Variants in UNC79 observed in about 807,000 individuals in gnomAD.
UNC79 encodes unc-79 subunit of NALCN channel complex.
Under a neutral mutation model 283.1 loss-of-function variants are expected in UNC79, and 37 were observed. That is an observed-to-expected ratio of 0.13 (90% CI 0.10 to 0.17). UNC79 has a LOEUF of 0.17. Ranked by LOEUF, UNC79 falls within the 10% of genes least tolerant of loss-of-function variation. The pLI is 1.00. For synonymous variants in UNC79, 1,107 were observed against 1,200.2 expected, an observed-to-expected ratio of 0.92 and a Z score of 1.61; for missense variants, 2,272 against 3,211.1, an observed-to-expected ratio of 0.71 and a Z score of 7.07.
chr14:93,343,639 A>G (rs2053761521), intron 1 of UNC79, among the ~76,000 whole-genome samples: 1 of 152,038 alleles, frequency 6.6e-6, no homozygotes, highest in African/African-American at 2.4e-5. Flanking sequence ...TGAATTTGAG[A>G]TATTTGGGGC....
rs764803798 is a variant in UNC79 at position 93,617,091 on chromosome 14, C to T, written c.4042-31C>T. The T allele has an allele frequency of 1.3e-6, 2 of 1,570,606 alleles. No individual in the cohort carries two copies. The highest frequency in any genetic ancestry group is 1.7e-6 in the Non-Finnish European group (2 of 1,153,282). On this transcript the variant is annotated intron_variant, in intron 27 of 48. Transcript: ENST00000555664. This position sits in a 1 kb window ranked among gnomAD's most constrained non-coding sequence, Gnocchi z 4.5. Reference sequence around the variant, plus strand: ...ACCTCTGAGTGTTCTTTGTAGTTTTCCATCAGTTATTAATATTTTTTCTAT... The same window carrying T: ...ACCTCTGAGTGTTCTTTGTAGTTTTTCATCAGTTATTAATATTTTTTCTAT...
chr14:93,525,645 T>G (rs1216540390), intron 8 of UNC79, among the ~76,000 whole-genome samples: 2 of 152,188 alleles, frequency 1.3e-5, no homozygotes, highest in Non-Finnish European at 2.9e-5. Context: ...TTTTTCACAA[T>G]GATGAGACTT....
chr14:93,420,239 A>G (rs2055566059), intron 1 of UNC79, among the ~76,000 whole-genome samples: 1 of 151,634 alleles, frequency 6.6e-6, no homozygotes, highest in South Asian at 2.1e-4. Context: ...ACCTATAAAG[A>G]CACACATCGA....
chr14:93,517,070 T>C (rs1011997091), intron 7 of UNC79, among the ~76,000 whole-genome samples: 1 of 152,114 alleles, frequency 6.6e-6, no homozygotes, highest in Non-Finnish European at 1.5e-5. Flanking sequence ...TGTGGCTTTT[T>C]TGTAAGTTTC....
chr14:93,685,371 A>T (rs1368228374), intron 42 of UNC79, among the ~76,000 whole-genome samples: 1 of 152,220 alleles, frequency 6.6e-6, no homozygotes, highest in Non-Finnish European at 1.5e-5. Flanking sequence ...CCTTTCTTGC[A>T]CGAAAGGATT....
rs567958445 is a variant in UNC79, at chr14:93,570,056, C to T, written c.1756-1838C>T. Among the ~76,000 whole-genome samples the T allele has an allele frequency of 4.6e-5, 7 of 152,280 alleles. No homozygotes were observed. In the South Asian group the frequency reaches 1.2e-3, roughly 27 times the overall value. ...CAAACTTCTGGGCTCAGTCGATCCT[C>T]CCACTTCAGCCTCCCAAGTAAATGG... On this transcript the variant is annotated intron_variant, in intron 14 of 48. Coordinates refer to ENST00000555664, the Ensembl canonical transcript of UNC79.
At chr14:93,691,474 T>C in intron 45 of UNC79, 1 of 542,606 alleles carries the variant, frequency 1.8e-6, no homozygotes, top group Non-Finnish European at 3.3e-6. Context: ...TCAGTTTCAT[T>C]AAAGGGCAAG....
intron 22 of UNC79, among the ~76,000 whole-genome samples, chr14:93,591,532 A>G (rs1410226285): frequency 6.6e-6 from 1 of 152,254 alleles, no homozygotes; most frequent in Non-Finnish European, 1.5e-5. Flanking sequence ...TGAGAAAATC[A>G]TAAGGAAAAT....
At chr14:93,335,119 T>C (rs2053550018) in intron 1 of UNC79, 1 of 152,238 alleles carries the variant, frequency 6.6e-6, no homozygotes, top group Middle Eastern at 3.2e-3. Flanking sequence ...TCTAAAACTT[T>C]TTGAAAAGCC....
At chr14:93,410,740 C>T (rs754280582) in intron 1 of UNC79, among the ~76,000 whole-genome samples, 11 of 152,064 alleles carry the variant, frequency 7.2e-5, no homozygotes, top group Admixed American at 1.3e-4. Context: ...AGGGAAAGAC[C>T]CAGTCCTGGC....
intron 14 of UNC79, 50 bp downstream of exon 14, chr14:93,542,746 A>G: frequency 1.3e-6 from 2 of 1,590,372 alleles, no homozygotes; most frequent in Non-Finnish European, 1.7e-6. Flanking sequence ...GGACTTGGGG[A>G]GAAGTGCTGC....
intron 1 of UNC79, among the ~76,000 whole-genome samples, chr14:93,406,843 G>T (rs1193053051): frequency 1.3e-5 from 2 of 152,124 alleles, no homozygotes; most frequent in East Asian, 1.9e-4. Context: ...TTCCTAGGCG[G>T]CTATAACAAA....
At chr14:93,432,205 T>C (rs746892463) in intron 1 of UNC79, among the ~76,000 whole-genome samples, 3 of 152,226 alleles carry the variant, frequency 2.0e-5, no homozygotes, top group Non-Finnish European at 4.4e-5. Flanking sequence ...CAGTATGTCA[T>C]TTATTCACCA....
chr14:93,501,681 C>T (rs1024519341), intron 7 of UNC79, among the ~76,000 whole-genome samples: 6 of 67,580 alleles, frequency 8.9e-5, no homozygotes, highest in Non-Finnish European at 1.3e-4. Flanking sequence ...AGCAAGACTC[C>T]GTCTCAAAAA....
At chr14:93,567,122 G>A (rs938107263) in intron 14 of UNC79, among the ~76,000 whole-genome samples, 3 of 152,182 alleles carry the variant, frequency 2.0e-5, no homozygotes, top group Admixed American at 1.3e-4. Flanking sequence ...GCCAATCACC[G>A]AGTTTTGGCC....
chr14:93,638,597 T>C (rs115358137), intron 32 of UNC79, among the ~76,000 whole-genome samples: 1,725 of 152,326 alleles, frequency 0.011, 39 homozygotes, highest in African/African-American at 0.039. Flanking sequence ...GTCAAAATCT[T>C]CAGCTTCAAA....
At chr14:93,464,006 G>A (rs2057057963) in intron 1 of UNC79, among the ~76,000 whole-genome samples, 3 of 152,004 alleles carry the variant, frequency 2.0e-5, no homozygotes, top group South Asian at 2.1e-4. Context: ...AAAATTAGCC[G>A]GGCGTGGTGG....
intron 7 of UNC79, among the ~76,000 whole-genome samples, chr14:93,508,266 T>G (rs1595691775): frequency 6.6e-6 from 1 of 151,274 alleles, no homozygotes; most frequent in African/African-American, 2.4e-5. Context: ...CACCTGTAAT[T>G]CTAGCACTTT....
intron 16 of UNC79, among the ~76,000 whole-genome samples, chr14:93,574,116 A>G (rs1048567787): frequency 6.6e-6 from 1 of 152,244 alleles, no homozygotes; most frequent in Non-Finnish European, 1.5e-5. Context: ...CAGTCTTCCT[A>G]CAGATGGCTG....
Sources: gnomAD v4.1 joint callset for allele counts (sites outside exome capture counted in the v4.1 genomes callset) on GRCh38, gnomAD v4.1.1 for gene constraint, Gnocchi (gnomAD v3.1) non-coding constraint, MANE v1.5 for transcripts, NCBI Gene and HGNC (gene_info 2026-07-23, HGNC 2026-07-21) for gene names.